The following PSD2 variants were observed in gnomAD, a reference collection of about 807,000 sequenced individuals.
PSD2 encodes the protein pleckstrin and Sec7 domain containing 2.
PSD2 carries 38 observed loss-of-function variants against 69.8 expected under a neutral mutation model. The observed-to-expected ratio is 0.54, with a 90% CI of 0.42 to 0.71. The LOEUF (loss-of-function observed/expected upper bound fraction) is 0.71. Among genes scored for constraint, PSD2 ranks in the 30% least tolerant of loss-of-function variants. PSD2 has a pLI of 0.00. For missense variants in PSD2, 943 were observed against 1,014.5 expected, an observed-to-expected ratio of 0.93 and a Z score of 0.96; for synonymous variants, 412 against 423.0, an observed-to-expected ratio of 0.97 and a Z score of 0.32.
At chr5:139,793,040 TG>T (rs1391017093), upstream of PSD2, among the ~76,000 whole-genome samples, 1 of 152,062 alleles carries the variant, frequency 6.6e-6, no homozygotes, top group Non-Finnish European at 1.5e-5. Flanking sequence ...CTCTGCATCC[TG>T]GGTTCCAGTG....
intron 7 of PSD2, among the ~76,000 whole-genome samples, chr5:139,831,519 G>A (rs1186000237): frequency 6.6e-6 from 1 of 151,568 alleles, no homozygotes; most frequent in Non-Finnish European, 1.5e-5. Flanking sequence ...CAATTTCCCT[G>A]CTCTGTTAGC....
intron 14 of PSD2, 133 bp downstream of exon 14, chr5:139,840,303 G>C: frequency 1.0e-6 from 1 of 1,003,798 alleles, no homozygotes; most frequent in Non-Finnish European, 1.5e-6. Flanking sequence ...GGAGGGAACA[G>C]GGTCCCCTGA....
the PSD2 span, among the ~76,000 whole-genome samples, chr5:139,756,395 C>A: frequency 7.9e-3 from 1,211 of 152,344 alleles, 17 homozygotes; most frequent in African/African-American, 0.027. Flanking sequence ...GGGGTCGGGG[C>A]ACCCACCAGG....
At chr5:139,815,785 G>C (rs969070185) in intron 4 of PSD2, among the ~76,000 whole-genome samples, 3 of 152,142 alleles carry the variant, frequency 2.0e-5, no homozygotes, top group African/African-American at 7.2e-5. Flanking sequence ...CCTGAGGTCA[G>C]GAGTTTGAGA....
the PSD2 span, among the ~76,000 whole-genome samples, chr5:139,758,968 C>G: frequency 6.7e-6 from 1 of 149,718 alleles, no homozygotes; most frequent in Admixed American, 6.6e-5. Flanking sequence ...CAGTCCTCAC[C>G]ATGTTCTTCT....
the PSD2 span, among the ~76,000 whole-genome samples, chr5:139,761,861 T>G: frequency 6.6e-6 from 1 of 152,072 alleles, no homozygotes; most frequent in African/African-American, 2.4e-5. Context: ...CTGCCTGCCT[T>G]TTAAGGTGAG....
upstream of PSD2, among the ~76,000 whole-genome samples, chr5:139,792,852 T>G (rs1329803603): frequency 1.0e-4 from 14 of 134,368 alleles, no homozygotes; most frequent in African/African-American, 3.4e-4. Context: ...CTTTTTTTCT[T>G]TCTGTCTTTC....
In PSD2 at chr5:139,809,553, G is replaced by T. The variant is rs779683064; in HGVS notation, c.113G>T (p.Gly38Val). Residue 38 changes from glycine (G) to valine (V), a missense_variant, in exon 2 of 15, where the codon GGC becomes GTC. Coordinates refer to ENST00000274710, the MANE Select transcript of PSD2 (RefSeq NM_032289.4). ...PGVRNGMASEGLNSSLCSPGH... is the reference protein window; with the variant it reads ...PGVRNGMASEVLNSSLCSPGH... ...GTCCGGAATGGGATGGCCAGTGAGG[G>T]CCTGAACAGCAGCCTCTGCAGCCCA... 6.2e-7 allele frequency: 1 copy of T among 1,613,912 alleles called. No homozygotes were observed. Among genetic ancestry groups the T allele is most frequent in the South Asian group, 1.1e-5 (1 of 91,056 alleles).
At chr5:139,783,720 G>A in the PSD2 span, among the ~76,000 whole-genome samples, 1 of 151,946 alleles carries the variant, frequency 6.6e-6, no homozygotes, top group African/African-American at 2.4e-5. Flanking sequence ...TCTTGTCAAG[G>A]TCCCCAGTGG....
intron 6 of PSD2, 46 bp downstream of exon 6, chr5:139,822,051 C>A: frequency 7.7e-7 from 1 of 1,291,852 alleles, no homozygotes; most frequent in Non-Finnish European, 1.1e-6. Flanking sequence ...ACCCACTCAG[C>A]CAGGCCCTGG....
At chr5:139,809,895 C>T (rs547442104) in intron 2 of PSD2, 84 bp downstream of exon 2, 60 of 1,447,688 alleles carry the variant, frequency 4.1e-5, no homozygotes, top group East Asian at 3.4e-4. Flanking sequence ...TTAGTTTCTC[C>T]GGTTCTTGTT....
intron 8 of PSD2, 98 bp from the exon 9 acceptor site, chr5:139,835,625 A>C: frequency 1.6e-6 from 2 of 1,267,970 alleles, no homozygotes; most frequent in Non-Finnish European, 2.3e-6. Flanking sequence ...CCATTGGCTG[A>C]AAAGGTGCTC....
chr5:139,814,457 G>A lies in PSD2; in HGVS notation c.1016+93G>A. The stretch of plus-strand genomic sequence containing the variant: ...TGGGTGACCTTCTTCAGGGGTGCCA[G>A]GTGCTGGGGGGGCACTCCCAACAGT... On this transcript the variant is annotated intron_variant, in intron 4 of 14. Coordinates refer to ENST00000274710, the MANE Select transcript of PSD2 (RefSeq NM_032289.4). The surrounding 1 kb of genome is among the most constrained non-coding windows in gnomAD (Gnocchi z 4.4). 8.5e-7 allele frequency: 1 copy of A among 1,173,296 alleles called. No individual in the cohort carries two copies. Among genetic ancestry groups the A allele is most frequent in the Non-Finnish European group, 1.2e-6 (1 of 862,678 alleles). 72.7% of individuals were successfully genotyped at this position (1,173,296 alleles called of 1,614,324 possible). A position where few individuals can be genotyped will look rare whatever the true frequency, so the allele number is the denominator to read the frequency against.
intron 2 of PSD2, among the ~76,000 whole-genome samples, chr5:139,810,832 C>G (rs140687085): frequency 1.1e-4 from 17 of 152,114 alleles, no homozygotes; most frequent in South Asian, 8.3e-4. Flanking sequence ...TAGAGCACAC[C>G]GTATTGAGGT....
Position 139,837,050 on chromosome 5 carries a change from G to T in PSD2, c.1594+49G>T, listed in dbSNP as rs199955965. ...GCATGGGAGGGAGGCTGGCACAGAG[G>T]GGGGCGCCACGGGCCACTCTTTGGG... On this transcript the variant is annotated intron_variant, in intron 10 of 14. Transcript: ENST00000274710. This position sits in a 1 kb window ranked among gnomAD's most constrained non-coding sequence, Gnocchi z 5.0. The T allele has an allele frequency of 1.1e-4, 182 of 1,597,582 alleles. No homozygotes were observed. The African/African-American group carries it at 1.6e-3, about 14-fold the overall frequency.
the PSD2 span, among the ~76,000 whole-genome samples, chr5:139,770,573 C>A: frequency 6.6e-6 from 1 of 151,962 alleles, no homozygotes. Flanking sequence ...GTCAAAAAAA[C>A]AAACAAACAA....
intron 12 of PSD2, among the ~76,000 whole-genome samples, chr5:139,838,223 G>T (rs1244008865): frequency 6.6e-6 from 1 of 152,206 alleles, no homozygotes; most frequent in African/African-American, 2.4e-5. Context: ...TTGCAAGGAG[G>T]CAGGCTAGTG....
At chr5:139,792,262 C>T (rs933461672), upstream of PSD2, among the ~76,000 whole-genome samples, 3 of 152,152 alleles carry the variant, frequency 2.0e-5, no homozygotes, top group East Asian at 5.8e-4. Flanking sequence ...CCTACCCAGG[C>T]ACCCCACCTG....
the PSD2 span, among the ~76,000 whole-genome samples, chr5:139,766,164 G>T: frequency 6.6e-6 from 1 of 152,188 alleles, no homozygotes; most frequent in East Asian, 1.9e-4. Context: ...GTCCACAGAT[G>T]AAGGACTAAC....
Sources: gnomAD v4.1 joint callset for allele counts (sites outside exome capture counted in the v4.1 genomes callset) on GRCh38, gnomAD v4.1.1 for gene constraint, Gnocchi (gnomAD v3.1) non-coding constraint, MANE v1.5 for transcripts, NCBI Gene and HGNC (gene_info 2026-07-23, HGNC 2026-07-21) for gene names.